The following KDM4C variants were observed in gnomAD, a reference collection of about 807,000 sequenced individuals.
KDM4C encodes lysine demethylase 4C.
KDM4C carries 81 observed loss-of-function variants against 129.3 expected under a neutral mutation model. The observed-to-expected ratio is 0.63, with a 90% CI of 0.52 to 0.75. The LOEUF is 0.75. Among genes scored for constraint, KDM4C ranks in the 30% least tolerant of loss-of-function variants. The pLI is 0.00. For missense variants in KDM4C, 1,457 were observed against 1,304.0 expected (o/e 1.12, Z -1.81); for synonymous variants, 573 against 456.1 (o/e 1.26, Z -3.26).
At chr9:6,881,864 A>G (rs1844507136) in intron 6 of KDM4C, among the ~76,000 whole-genome samples, 1 of 152,244 alleles carries the variant, frequency 6.6e-6, no homozygotes, top group Admixed American at 6.5e-5. Flanking sequence ...CTAAATAATT[A>G]AAATGATAAA....
At chr9:7,168,832 A>G (rs1844663978) in intron 20 of KDM4C, among the ~76,000 whole-genome samples, 2 of 152,180 alleles carry the variant, frequency 1.3e-5, no homozygotes, top group South Asian at 4.1e-4. Context: ...TGGGAGGCCA[A>G]GGTGGGAGAA....
At chr9:7,095,536 T>G (rs575994619) in intron 17 of KDM4C, among the ~76,000 whole-genome samples, 14 of 152,076 alleles carry the variant, frequency 9.2e-5, no homozygotes, top group Non-Finnish European at 1.5e-4. Flanking sequence ...TTTTTGCTTG[T>G]TCTTGGAGCA....
chr9:6,758,114 C>T lies in KDM4C; in HGVS notation c.-107C>T, dbSNP rs746167096. 150 of 985,594 alleles carry T rather than the reference C, an allele frequency of 1.5e-4. No individual in the cohort carries two copies. Among genetic ancestry groups the T allele is most frequent in the Admixed American group, 3.7e-4 (6 of 16,298 alleles). The allele number at this position is 985,594 out of a possible 1,614,324, so 61.1% of individuals were successfully genotyped here. On this transcript the variant is annotated 5_prime_UTR_variant, in exon 1 of 22. Coordinates refer to ENST00000381309, the MANE Select transcript of KDM4C (RefSeq NM_015061.6). This position sits in a 1 kb window ranked among gnomAD's most constrained non-coding sequence, Gnocchi z 4.6. ...CTGTCACCTAGTGCGGAACAAGTCT[C>T]CCAAATTTCCCAAATCTCCCTGGGC...
At chr9:6,943,548 G>C (rs1826342156) in intron 8 of KDM4C, among the ~76,000 whole-genome samples, 1 of 151,950 alleles carries the variant, frequency 6.6e-6, no homozygotes, top group African/African-American at 2.4e-5. Flanking sequence ...GGTGGCGTGT[G>C]CCTCTGGTCC....
intron 1 of KDM4C, chr9:6,749,017 T>C: frequency 1.5e-6 from 1 of 688,408 alleles, no homozygotes; most frequent in East Asian, 2.9e-5. Flanking sequence ...TGCAAGCTTA[T>C]TATTATTATT....
At chr9:6,944,921 A>C (rs1170770836) in intron 8 of KDM4C, among the ~76,000 whole-genome samples, 1 of 152,156 alleles carries the variant, frequency 6.6e-6, no homozygotes, top group Non-Finnish European at 1.5e-5. Context: ...GAGTTACTCA[A>C]ATTAGCTGGA....
intron 2 of KDM4C, among the ~76,000 whole-genome samples, chr9:6,801,036 T>A (rs1014666476): frequency 9.2e-5 from 14 of 152,156 alleles, no homozygotes; most frequent in Non-Finnish European, 2.9e-5. Flanking sequence ...GAGGTGGTTT[T>A]ATTTTTTTTG....
intron 8 of KDM4C, among the ~76,000 whole-genome samples, chr9:6,920,349 T>A (rs905671789): frequency 2.0e-5 from 3 of 151,800 alleles, no homozygotes; most frequent in East Asian, 1.9e-4. Flanking sequence ...TAGAAGCAAT[T>A]GGGAAGGTTC....
chr9:6,884,803 G>T (rs937755884), intron 6 of KDM4C, among the ~76,000 whole-genome samples: 1 of 152,096 alleles, frequency 6.6e-6, no homozygotes, highest in African/African-American at 2.4e-5. Flanking sequence ...TAATACTATA[G>T]CGTGTGTTTG....
chr9:6,956,643 G>A (rs1829114442), intron 8 of KDM4C, among the ~76,000 whole-genome samples: 1 of 152,116 alleles, frequency 6.6e-6, no homozygotes, highest in African/African-American at 2.4e-5. Flanking sequence ...TGACTTGAGT[G>A]GTTGTGACAA....
intron 8 of KDM4C, among the ~76,000 whole-genome samples, chr9:6,961,440 G>T (rs964843685): frequency 6.6e-6 from 1 of 152,108 alleles, no homozygotes; most frequent in Non-Finnish European, 1.5e-5. Context: ...CCTACTTTCT[G>T]AACAGAGATA....
At chr9:6,872,978 G>A (rs1326209224) in intron 5 of KDM4C, among the ~76,000 whole-genome samples, 1 of 152,108 alleles carries the variant, frequency 6.6e-6, no homozygotes, top group Non-Finnish European at 1.5e-5. Flanking sequence ...CCAGGCTGGA[G>A]TGCAATGGTG....
At chr9:7,109,109 C>G (rs1838028476) in intron 18 of KDM4C, among the ~76,000 whole-genome samples, 1 of 152,154 alleles carries the variant, frequency 6.6e-6, no homozygotes, top group Non-Finnish European at 1.5e-5. Context: ...CCTATCATAA[C>G]AAAACTTCCC....
At chr9:6,827,289 T>C (rs1445724814) in intron 4 of KDM4C, among the ~76,000 whole-genome samples, 2 of 152,236 alleles carry the variant, frequency 1.3e-5, no homozygotes, top group African/African-American at 4.8e-5. Flanking sequence ...TCTCTCTCGT[T>C]CCTTCCAGCT....
At chr9:6,791,334 A>C (rs1412393231) in intron 1 of KDM4C, among the ~76,000 whole-genome samples, 1 of 152,076 alleles carries the variant, frequency 6.6e-6, no homozygotes, top group Non-Finnish European at 1.5e-5. Flanking sequence ...GGTGGTCTTG[A>C]ACTCCTGGCC....
chr9:6,926,430 C>A (rs1183368526), intron 8 of KDM4C, among the ~76,000 whole-genome samples: 1 of 149,496 alleles, frequency 6.7e-6, no homozygotes, highest in Non-Finnish European at 1.5e-5. Context: ...AGCTGGTTTT[C>A]ATTTTTTTGC....
At chr9:6,766,055 C>T (rs998585078) in intron 1 of KDM4C, among the ~76,000 whole-genome samples, 3 of 152,096 alleles carry the variant, frequency 2.0e-5, no homozygotes, top group African/African-American at 7.2e-5. Context: ...TCCCAAAGTG[C>T]TGGGATTACA....
intron 15 of KDM4C, among the ~76,000 whole-genome samples, chr9:7,029,283 T>C (rs1826327174): frequency 1.6e-5 from 2 of 122,374 alleles, no homozygotes; most frequent in Admixed American, 9.0e-5. Context: ...TTTCTGGGTT[T>C]CCCCCCACCG....
intron 19 of KDM4C, among the ~76,000 whole-genome samples, chr9:7,134,181 C>G (rs368569455): frequency 3.3e-5 from 5 of 152,184 alleles, no homozygotes; most frequent in African/African-American, 1.2e-4. Context: ...GCCCACATGG[C>G]CTTTCACTCT....
Sources: gnomAD v4.1 joint callset for allele counts (sites outside exome capture counted in the v4.1 genomes callset) on GRCh38, gnomAD v4.1.1 for gene constraint, Gnocchi (gnomAD v3.1) non-coding constraint, MANE v1.5 for transcripts, NCBI Gene and HGNC (gene_info 2026-07-23, HGNC 2026-07-21) for gene names.